The following CUL3 variants were observed in gnomAD, a reference collection of about 807,000 sequenced individuals.
CUL3 encodes the protein cullin-3.
CUL3 carries 19 observed loss-of-function variants against 89.1 expected under a neutral mutation model. That is an observed-to-expected ratio of 0.21 (90% CI 0.15 to 0.31). The LOEUF is 0.31. CUL3 is among the 10% of genes least tolerant of loss of function. The pLI, the probability that CUL3 is intolerant of heterozygous loss-of-function variation, is 1.00. For synonymous variants in CUL3, 351 were observed against 308.4 expected (o/e 1.14, Z -1.45); for missense variants, 469 against 942.3 (o/e 0.50, Z 6.58).
chr2:224,563,794 A>C (rs1574700486), intron 1 of CUL3, among the ~76,000 whole-genome samples: 1 of 152,196 alleles, frequency 6.6e-6, no homozygotes, highest in South Asian at 2.1e-4. Context: ...CTGGTTTATC[A>C]GATCAAAATC....
In CUL3 at chr2:224,479,117, G is replaced by A. The variant is rs536501711; in HGVS notation, c.2030-772C>T. ...GAAAAAGAAAACTGGTGTTTTATTC[G>A]TTCACCAAAAGGAGATAGATGTGAA... On this transcript the variant is annotated intron_variant, in intron 14 of 15. Transcript: ENST00000264414. 2 of 152,218 alleles carry A rather than the reference G, an allele frequency of 1.3e-5. 1 individual carries two copies. The highest frequency in any genetic ancestry group is 4.8e-5 in the African/African-American group (2 of 41,502). 9.4% of individuals were successfully genotyped at this position (152,218 alleles called of 1,614,324 possible).
intron 13 of CUL3, 109 bp from the exon 14 acceptor site, chr2:224,482,187 AAAT>A (rs1691559255): frequency 5.4e-6 from 4 of 735,248 alleles, no homozygotes; most frequent in Non-Finnish European, 8.6e-6. Context: ...TCCATTAAAT[AAAT>A]AATGCACAAA....
chr2:224,553,053 A>C (rs1409683663), intron 2 of CUL3, among the ~76,000 whole-genome samples: 1 of 152,244 alleles, frequency 6.6e-6, no homozygotes, highest in Non-Finnish European at 1.5e-5. Context: ...ATTTAGTAGA[A>C]CAAACTGAGA....
At chr2:224,538,445 T>C (rs900811104) in intron 2 of CUL3, among the ~76,000 whole-genome samples, 1 of 152,136 alleles carries the variant, frequency 6.6e-6, no homozygotes, top group Non-Finnish European at 1.5e-5. Flanking sequence ...ATTAACATCT[T>C]ATAAAAAAAT....
intron 2 of CUL3, among the ~76,000 whole-genome samples, chr2:224,539,238 C>G (rs954198703): frequency 6.6e-6 from 1 of 152,148 alleles, no homozygotes; most frequent in African/African-American, 2.4e-5. Context: ...TAGGACACTG[C>G]AGATTAAAAC....
intron 6 of CUL3, among the ~76,000 whole-genome samples, chr2:224,510,335 T>A (rs1386069714): frequency 2.6e-5 from 4 of 151,712 alleles, no homozygotes; most frequent in African/African-American, 7.3e-5. Flanking sequence ...ATATAACTTT[T>A]CAGGGATTTC....
chr2:224,528,384 A>G (rs1402887401), intron 3 of CUL3, among the ~76,000 whole-genome samples: 1 of 152,184 alleles, frequency 6.6e-6, no homozygotes, highest in East Asian at 1.9e-4. Flanking sequence ...CTCTGGTAAG[A>G]ACCAGTATGA....
intron 1 of CUL3, among the ~76,000 whole-genome samples, chr2:224,583,986 G>A (rs943842567): frequency 3.3e-5 from 5 of 152,198 alleles, no homozygotes; most frequent in African/African-American, 1.2e-4. Context: ...CTTGACGTAT[G>A]CCTTTTATTG....
chr2:224,470,278 G>A lies in CUL3; in HGVS notation c.*3967C>T, dbSNP rs950007162. ...ATTTCATTGTTACTAAAAAATACAC[G>A]TTTACTTTGAGCTGCTCATGTATAA... On this transcript the variant is annotated 3_prime_UTR_variant, in exon 16 of 16. Transcript: ENST00000264414. The A allele has an allele frequency of 4.5e-6, 1 of 222,220 alleles. No homozygotes were observed. Among genetic ancestry groups the A allele is most frequent in the East Asian group, 6.6e-5 (1 of 15,080 alleles). The allele number at this position is 222,220 out of a possible 1,614,324, so 13.8% of individuals were successfully genotyped here. A position where few individuals can be genotyped will look rare whatever the true frequency, so the allele number is the denominator to read the frequency against.
At chr2:224,494,443 GAAAA>G (rs1401890964) in intron 13 of CUL3, among the ~76,000 whole-genome samples, 2 of 150,944 alleles carry the variant, frequency 1.3e-5, no homozygotes, top group African/African-American at 4.9e-5. Context: ...AAAGGAAAAG[GAAAA>G]AAAAGCATAT....
intron 1 of CUL3, among the ~76,000 whole-genome samples, chr2:224,568,845 A>G (rs1695111105): frequency 6.6e-6 from 1 of 152,220 alleles, no homozygotes; most frequent in South Asian, 2.1e-4. Context: ...AGATTAATAC[A>G]TACACATGAT....
chr2:224,539,838 A>T (rs1053867813), intron 2 of CUL3, among the ~76,000 whole-genome samples: 1 of 152,084 alleles, frequency 6.6e-6, no homozygotes, highest in Non-Finnish European at 1.5e-5. Context: ...TATTCTGTAC[A>T]ATACTATACT....
At chr2:224,503,115 GT>G (rs766155177) in intron 9 of CUL3, 43 bp from the exon 10 acceptor site, 14 of 1,130,118 alleles carry the variant, frequency 1.2e-5, no homozygotes. Flanking sequence ...AATGGTAGAT[GT>G]TTCTATGAGA....
chr2:224,583,270 A>C (rs746589724), intron 1 of CUL3, among the ~76,000 whole-genome samples: 5 of 152,074 alleles, frequency 3.3e-5, no homozygotes, highest in Non-Finnish European at 5.9e-5. Flanking sequence ...CCAGCTACTC[A>C]GGAGGCTTTT....
At chr2:224,559,063 AAAAG>A (rs1265047072) in intron 1 of CUL3, among the ~76,000 whole-genome samples, 2 of 151,640 alleles carry the variant, frequency 1.3e-5, no homozygotes, top group South Asian at 2.1e-4. Context: ...CTCAAAAAAA[AAAAG>A]AAAGAAAACT....
rs376774120 is a variant in CUL3 at position 224,573,165 on chromosome 2, G to T, written c.66+11779C>A. On this transcript the variant is annotated intron_variant, in intron 1 of 15. Transcript: ENST00000264414. Reference sequence around the variant, plus strand: ...CTTTGTATTTCTAATACATTTTACTGTTTAATCTATCTCTTTAGTATATTC... The same window carrying T: ...CTTTGTATTTCTAATACATTTTACTTTTTAATCTATCTCTTTAGTATATTC... Among the ~76,000 whole-genome samples the T allele has an allele frequency of 1.3e-4, 20 of 152,156 alleles. No individual in the cohort carries two copies. The East Asian group carries it at 3.1e-3, about 24-fold the overall frequency.
chr2:224,551,030 T>C (rs918428971), intron 2 of CUL3, among the ~76,000 whole-genome samples: 3 of 152,044 alleles, frequency 2.0e-5, no homozygotes, highest in Non-Finnish European at 4.4e-5. Context: ...TGGGATTTTA[T>C]TCAATGTCTT....
At chr2:224,507,649 A>AT (rs1162094038) in intron 6 of CUL3, among the ~76,000 whole-genome samples, 1 of 152,150 alleles carries the variant, frequency 6.6e-6, no homozygotes, top group African/African-American at 2.4e-5. Context: ...TCCTAAGCCA[A>AT]TATCTGTACT....
chr2:224,558,876 CAAAAAA>C lies in CUL3; in HGVS notation c.67-1026_67-1021del, dbSNP rs1694813533. Among the ~76,000 whole-genome samples, 6 of 11,432 alleles carry C rather than the reference CAAAAAA, an allele frequency of 5.2e-4. No homozygotes were observed. The African/African-American group carries it at 7.3e-3, about 14-fold the overall frequency. The allele number at this position is 11,432 out of a possible 152,430, so 7.5% of individuals were successfully genotyped here. On this transcript the variant is annotated intron_variant, in intron 1 of 15. Transcript: ENST00000264414. ...GCTAATACGGTCTCTACTAAATATA[CAAAAAA>C]TATACTAAATATACAAAAAAAAGAT...
Sources: gnomAD v4.1 joint callset for allele counts (sites outside exome capture counted in the v4.1 genomes callset) on GRCh38, gnomAD v4.1.1 for gene constraint, MANE v1.5 for transcripts, NCBI Gene and HGNC (gene_info 2026-07-23, HGNC 2026-07-21) for gene names.